The following UNC80 variants were observed in gnomAD, a reference collection of about 807,000 sequenced individuals.
The protein encoded by UNC80 is unc-80 subunit of NALCN channel complex.
In UNC80, 164 loss-of-function variants were observed where a neutral mutation model predicts 384.6. The observed-to-expected ratio is 0.43, with a 90% CI of 0.38 to 0.49. The LOEUF (loss-of-function observed/expected upper bound fraction) is 0.49. Ranked by LOEUF, UNC80 falls within the 20% of genes least tolerant of loss-of-function variation. The probability of loss-of-function intolerance (pLI) is 0.00; values close to 1 mark genes in which losing one functional copy is unlikely to be tolerated. For missense variants in UNC80, 3,330 were observed against 4,143.0 expected, an observed-to-expected ratio of 0.80 and a Z score of 5.39; for synonymous variants, 1,486 against 1,527.8, an observed-to-expected ratio of 0.97 and a Z score of 0.64.
chr2:209,907,291 C>CA (rs35210647), intron 29 of UNC80, among the ~76,000 whole-genome samples: 6,410 of 68,370 alleles, frequency 0.094, 237 homozygotes, highest in Non-Finnish European at 0.11. Flanking sequence ...CAATAATGGG[C>CA]AAAAAAAAAA....
At chr2:209,856,033 A>G (rs2082888604) in intron 22 of UNC80, among the ~76,000 whole-genome samples, 1 of 152,152 alleles carries the variant, frequency 6.6e-6, no homozygotes, top group Admixed American at 6.5e-5. Context: ...ATTTTACTAT[A>G]TGATACCAAA....
chr2:209,778,976 G>T (rs2077014480), intron 4 of UNC80, among the ~76,000 whole-genome samples: 1 of 152,156 alleles, frequency 6.6e-6, no homozygotes, highest in African/African-American at 2.4e-5. Flanking sequence ...ATTGCTAGGA[G>T]AAATAGATTT....
In UNC80 at chr2:209,771,846, C is replaced by A. The variant is rs970596044; in HGVS notation, c.-227C>A. 21 of 541,354 alleles carry A rather than the reference C, an allele frequency of 3.9e-5. 1 individual carries two copies. Among genetic ancestry groups the A allele is most frequent in the Admixed American group, 2.6e-4 (8 of 31,286 alleles). 33.5% of individuals were successfully genotyped at this position (541,354 alleles called of 1,614,324 possible). On this transcript the variant is annotated 5_prime_UTR_variant, in exon 1 of 65. Transcript: ENST00000673920. Reference sequence around the variant, plus strand: ...GGCGGACCGCTGCTCCGAGCGCCCCCCTCCTCGCTCCGCGGCTCCTCCAGC... The same window carrying A: ...GGCGGACCGCTGCTCCGAGCGCCCCACTCCTCGCTCCGCGGCTCCTCCAGC...
intron 13 of UNC80, among the ~76,000 whole-genome samples, chr2:209,823,780 A>G (rs1225252658): frequency 6.6e-6 from 1 of 151,988 alleles, no homozygotes; most frequent in Non-Finnish European, 1.5e-5. Context: ...TATGATTCCA[A>G]TTTTGTAAGG....
rs1157578030 is a variant in UNC80, at chr2:209,829,281, G to A, written c.2528G>A (p.Arg843Gln). 6.4e-6 allele frequency: 10 copies of A among 1,551,254 alleles called. No individual in the cohort carries two copies. The highest frequency in any genetic ancestry group is 8.7e-6 in the Non-Finnish European group (10 of 1,146,796). ...KLYKLDKMQF[R>Q]QTMRDYVNKD... ...TACAAGCTAGATAAGATGCAGTTCC[G>A]ACAAACCATGAGGGACTATGTGAAC... The change falls in exon 15 of 65, where the codon CGA becomes CAA. Residue 843 changes from arginine to glutamine, a missense_variant. By Grantham distance (43) the Arg-to-Gln change is conservative (BLOSUM62 1). Transcript: ENST00000673920.
chr2:209,988,992 T>C (rs867670245), intron 61 of UNC80, among the ~76,000 whole-genome samples: 14 of 152,226 alleles, frequency 9.2e-5, no homozygotes, highest in South Asian at 4.1e-4. Context: ...TGGAAATCAG[T>C]CATATCTCAT....
At chr2:209,847,294 A>C (rs2082237600) in intron 21 of UNC80, among the ~76,000 whole-genome samples, 1 of 152,020 alleles carries the variant, frequency 6.6e-6, no homozygotes, top group Non-Finnish European at 1.5e-5. Context: ...GGCAAAAAAT[A>C]AAGAAAATTA....
At chr2:209,873,162 T>C (rs1026685704) in intron 23 of UNC80, among the ~76,000 whole-genome samples, 192 bp downstream of exon 23, 1 of 152,192 alleles carries the variant, frequency 6.6e-6, no homozygotes, top group African/African-American at 2.4e-5. Context: ...TAGACATTAC[T>C]ATCTCTGTTT....
chr2:209,988,562 T>A (rs1425901434), intron 61 of UNC80, among the ~76,000 whole-genome samples: 1 of 152,136 alleles, frequency 6.6e-6, no homozygotes, highest in East Asian at 1.9e-4. Context: ...ATAAAATATA[T>A]CCTTTATGCA....
chr2:209,908,167 A>C (rs1358593928), intron 29 of UNC80, among the ~76,000 whole-genome samples: 1 of 152,246 alleles, frequency 6.6e-6, no homozygotes, highest in Admixed American at 6.5e-5. Context: ...TTTCCAGATG[A>C]AAAATGAAAA....
At chr2:209,868,839 C>G (rs1237416879) in intron 22 of UNC80, among the ~76,000 whole-genome samples, 3 of 152,154 alleles carry the variant, frequency 2.0e-5, no homozygotes, top group Non-Finnish European at 4.4e-5. Flanking sequence ...TAGGTTCAAT[C>G]TAATATTTTG....
intron 22 of UNC80, among the ~76,000 whole-genome samples, chr2:209,856,756 G>GTTTA (rs1307220380): frequency 3.4e-5 from 5 of 147,214 alleles, no homozygotes; most frequent in African/African-American, 1.0e-4. Context: ...TGGTTTTTTT[G>GTTTA]TTTACTTATT....
intron 42 of UNC80, among the ~76,000 whole-genome samples, chr2:209,938,433 G>C (rs2091390437): frequency 6.6e-6 from 1 of 152,068 alleles, no homozygotes; most frequent in African/African-American, 2.4e-5. Context: ...TTCATGAAAT[G>C]GGTGAGCATC....
At chr2:209,938,363 A>G (rs1232782460) in intron 42 of UNC80, among the ~76,000 whole-genome samples, 2 of 152,224 alleles carry the variant, frequency 1.3e-5, no homozygotes, top group African/African-American at 2.4e-5. Context: ...ATACTTGATC[A>G]TTTCAATTTT....
chr2:209,896,643 G>A lies in UNC80; in HGVS notation c.4581+230G>A, dbSNP rs183830600. 3.0e-3 allele frequency among the ~76,000 whole-genome samples: 454 copies of A among 152,242 alleles called. 5 individuals carry two copies. The highest frequency in any genetic ancestry group is 0.011 in the African/African-American group (443 of 41,538). Reference sequence around the variant, plus strand: ...GACCAAGTTTTTTTGGTTATGGCTGGCTTGCAGGTCACCATAAATCAGGGA... The same window carrying A: ...GACCAAGTTTTTTTGGTTATGGCTGACTTGCAGGTCACCATAAATCAGGGA... On this transcript the variant is annotated intron_variant, in intron 28 of 64. Transcript: ENST00000673920.
At chr2:209,930,083 A>G in intron 37 of UNC80, 112 bp downstream of exon 37, 1 of 501,718 alleles carries the variant, frequency 2.0e-6, no homozygotes, top group Non-Finnish European at 3.4e-6. Flanking sequence ...CCTCCAATAC[A>G]CAACCAATAA....
intron 4 of UNC80, among the ~76,000 whole-genome samples, chr2:209,778,766 G>T (rs1229516666): frequency 2.0e-5 from 3 of 152,332 alleles, no homozygotes; most frequent in East Asian, 1.9e-4. Flanking sequence ...TAAGTGCTAA[G>T]ATAAGAATTG....
At chr2:209,805,933 T>C (rs1368283861) in intron 7 of UNC80, among the ~76,000 whole-genome samples, 3 of 152,204 alleles carry the variant, frequency 2.0e-5, no homozygotes, top group Non-Finnish European at 4.4e-5. Flanking sequence ...GTAATAATGA[T>C]AATGTCACCA....
At chr2:209,860,451 G>C (rs1324821121) in intron 22 of UNC80, among the ~76,000 whole-genome samples, 1 of 151,962 alleles carries the variant, frequency 6.6e-6, no homozygotes, top group Non-Finnish European at 1.5e-5. Context: ...TTTGAAGTCA[G>C]TCAGCATTGT....
Sources: gnomAD v4.1 joint callset for allele counts (sites outside exome capture counted in the v4.1 genomes callset) on GRCh38, gnomAD v4.1.1 for gene constraint, MANE v1.5 for transcripts, NCBI Gene and HGNC (gene_info 2026-07-23, HGNC 2026-07-21) for gene names.